RASGRP1: variants seen among roughly 807,000 people sequenced by gnomAD.
RASGRP1 encodes the protein RAS guanyl releasing protein 1, also known as RAS guanyl-releasing protein 1.
In RASGRP1, 37 loss-of-function variants were observed where a neutral mutation model predicts 95.1. That is an observed-to-expected ratio of 0.39 (90% CI 0.30 to 0.51). The LOEUF (loss-of-function observed/expected upper bound fraction) is 0.51. Among genes scored for constraint, RASGRP1 ranks in the 20% least tolerant of loss-of-function variants. The pLI, the probability that RASGRP1 is intolerant of heterozygous loss-of-function variation, is 0.80. For synonymous variants in RASGRP1, 325 were observed against 353.4 expected (o/e 0.92, Z 0.90); for missense variants, 711 against 965.4 (o/e 0.74, Z 3.49).
chr15:38,517,643 A>AAT (rs1232020764), intron 5 of RASGRP1, among the ~76,000 whole-genome samples: 1 of 152,054 alleles, frequency 6.6e-6, no homozygotes, highest in Non-Finnish European at 1.5e-5. Flanking sequence ...TGATCTCTAG[A>AAT]ATATATATCA....
intron 1 of RASGRP1, among the ~76,000 whole-genome samples, chr15:38,562,123 G>A (rs936331788): frequency 6.6e-5 from 10 of 152,152 alleles, no homozygotes; most frequent in African/African-American, 2.4e-4. Context: ...TATTGACTGT[G>A]CCTGGAACTC....
At chr15:38,542,871 GTGTATATATATACACATATAT>G in intron 2 of RASGRP1, among the ~76,000 whole-genome samples, 1 of 131,672 alleles carries the variant, frequency 7.6e-6, no homozygotes, top group East Asian at 2.2e-4. Flanking sequence ...ACACATATAT[GTGTATATATATACACATATAT>G]GTGTATATAT....
Position 38,490,275 on chromosome 15 carries a change from A to G in RASGRP1, c.*279T>C, listed in dbSNP as rs1303549989. 7.6e-6 allele frequency: 2 copies of G among 262,724 alleles called. No individual in the cohort carries two copies. The highest frequency in any genetic ancestry group is 5.4e-5 in the Admixed American group (1 of 18,616). The allele number at this position is 262,724 out of a possible 1,614,324, so 16.3% of individuals were successfully genotyped here. On this transcript the variant is annotated 3_prime_UTR_variant, in exon 17 of 17. Transcript: ENST00000310803. Reference sequence around the variant, plus strand: ...CACCGAGATGCCCCATTGTCAGGAAATGATAGTCATGTTTTAGATCGCATA... The same window carrying G: ...CACCGAGATGCCCCATTGTCAGGAAGTGATAGTCATGTTTTAGATCGCATA...
intron 4 of RASGRP1, 63 bp from the exon 5 acceptor site, chr15:38,518,486 G>A (rs776995315): frequency 4.6e-6 from 7 of 1,524,270 alleles, no homozygotes; most frequent in Non-Finnish European, 4.5e-6. Context: ...AATTTGTTGG[G>A]TTCCAAAAGG....
At chr15:38,525,456 C>T (rs928243718) in intron 3 of RASGRP1, among the ~76,000 whole-genome samples, 8 of 152,176 alleles carry the variant, frequency 5.3e-5, no homozygotes, top group Non-Finnish European at 8.8e-5. Flanking sequence ...TATTTATGTG[C>T]ACTTCTCGCA....
chr15:38,492,624 C>T (rs1326574771), intron 16 of RASGRP1, among the ~76,000 whole-genome samples: 3 of 152,148 alleles, frequency 2.0e-5, no homozygotes, highest in South Asian at 2.1e-4. Context: ...TTGATATTAA[C>T]GTATCCTTGC....
intron 1 of RASGRP1, among the ~76,000 whole-genome samples, chr15:38,561,054 AG>A (rs1378037238): frequency 3.7e-4 from 56 of 152,228 alleles, no homozygotes; most frequent in African/African-American, 1.3e-3. Flanking sequence ...TTGAGCATTT[AG>A]TTAATTCTCC....
In RASGRP1 at chr15:38,526,402, C is replaced by A; in HGVS notation, c.223G>T (p.Ala75Ser). 6.2e-7 allele frequency: 1 copy of A among 1,612,342 alleles called. No homozygotes were observed. The highest frequency in any genetic ancestry group is 8.5e-7 in the Non-Finnish European group (1 of 1,178,800). The change falls in exon 3 of 17, where the codon GCA becomes TCA. Residue 75 changes from alanine (A) to serine (S), a missense_variant and splice_region_variant. Coordinates refer to ENST00000310803, the MANE Select transcript of RASGRP1 (RefSeq NM_005739.4). ...TTACTTCGACACAGGTTTCCATCTG[C>A]ATCTGAAAATATAAAGAGCAGCACC... is the stretch of plus-strand genomic sequence containing the variant. ...LIDSCIQSFD[A>S]DGNLCRSNQL...
At chr15:38,496,498 A>G (rs1456880229) in intron 15 of RASGRP1, among the ~76,000 whole-genome samples, 1 of 152,172 alleles carries the variant, frequency 6.6e-6, no homozygotes, top group Non-Finnish European at 1.5e-5. Flanking sequence ...TCTGCATTTT[A>G]TGTGACAGAA....
Position 38,519,331 on chromosome 15 carries a change from G to C in RASGRP1, c.367C>G (p.Leu123Val), listed in dbSNP as rs1230291577. Residue 123 changes from leucine (L) to valine (V), a missense_variant, in exon 4 of 17, where the codon CTG (leucine) becomes GTG (valine). Coordinates refer to ENST00000310803, the MANE Select transcript of RASGRP1 (RefSeq NM_005739.4). The part of the protein sequence containing the change: ...ALAKNSPGLC[L>V]KICYFVRYWI... Reference sequence around the variant, plus strand: ...TACCTTACAAAATAACAGATCTTCAGGCAAAGTCCTGGTGAATTCTTTGCC... The same window carrying C: ...TACCTTACAAAATAACAGATCTTCACGCAAAGTCCTGGTGAATTCTTTGCC... 2.0e-5 allele frequency: 31 copies of C among 1,529,956 alleles called. No homozygotes were observed. Among genetic ancestry groups the C allele is most frequent in the Non-Finnish European group, 2.8e-5 (31 of 1,104,216 alleles). The allele number at this position is 1,529,956 out of a possible 1,614,324, so 94.8% of individuals were successfully genotyped here.
rs368747894 is a variant in RASGRP1, at chr15:38,516,305, T to C, written c.567A>G (p.Ser189=). The change falls in exon 6 of 17, where the codon TCA becomes TCG. Residue 189 remains serine (S), a synonymous_variant. Coordinates refer to ENST00000310803, the MANE Select transcript of RASGRP1 (RefSeq NM_005739.4). ...WSRKLTQRIK[S]NTSKKRKVSL... ...AGACTTTCCGTTTCTTGCTGGTATT[T>C]GATTTTATCCTTTGAGTAAGTTTCC... 10 of 1,609,438 alleles carry C rather than the reference T, an allele frequency of 6.2e-6. No homozygotes were observed. The highest frequency in any genetic ancestry group is 8.5e-6 in the Non-Finnish European group (10 of 1,175,792).
At chr15:38,492,098 T>C (rs1354035646) in intron 16 of RASGRP1, among the ~76,000 whole-genome samples, 2 of 152,204 alleles carry the variant, frequency 1.3e-5, no homozygotes, top group Non-Finnish European at 2.9e-5. Context: ...ACCGAGTTCA[T>C]TTTTCGAGGT....
rs555517492 is a variant in RASGRP1, at chr15:38,544,167, G to A, written c.220+15654C>T. Among the ~76,000 whole-genome samples the A allele has an allele frequency of 3.3e-5, 5 of 152,272 alleles. No individual in the cohort carries two copies. The South Asian group carries it at 6.2e-4, about 19-fold the overall frequency. Reference sequence around the variant, plus strand: ...TTGTAGTCTTTTTCTCATCCCACCTGAATGCCCAAAGTGTTATGTCTCTCC... The same window carrying A: ...TTGTAGTCTTTTTCTCATCCCACCTAAATGCCCAAAGTGTTATGTCTCTCC... On this transcript the variant is annotated intron_variant, in intron 2 of 16. Coordinates refer to ENST00000310803, the MANE Select transcript of RASGRP1 (RefSeq NM_005739.4).
At chr15:38,538,196 G>A (rs757615126) in intron 2 of RASGRP1, among the ~76,000 whole-genome samples, 3 of 152,140 alleles carry the variant, frequency 2.0e-5, no homozygotes, top group East Asian at 1.9e-4. Flanking sequence ...CCTGGGAGGC[G>A]GAGGTTGCAG....
chr15:38,526,278 A>G, intron 3 of RASGRP1, 21 bp downstream of exon 3: 1 of 1,584,432 alleles, frequency 6.3e-7, no homozygotes, highest in Non-Finnish European at 8.7e-7. Context: ...TGGGATTGCC[A>G]GTCACTATGT....
intron 1 of RASGRP1, among the ~76,000 whole-genome samples, chr15:38,561,262 A>G (rs1893799708): frequency 6.6e-6 from 1 of 152,266 alleles, no homozygotes; most frequent in African/African-American, 2.4e-5. Context: ...GAGATAGTCT[A>G]GGTGAGGGTA....
rs568691010 is a variant in RASGRP1 at position 38,543,202 on chromosome 15, A to G, written c.220+16619T>C. 3.3e-5 allele frequency among the ~76,000 whole-genome samples: 5 copies of G among 152,026 alleles called. No individual in the cohort carries two copies. The South Asian group carries it at 6.2e-4, about 19-fold the overall frequency. ...TATTTACAGTTACATCATTTGATTC[A>G]TCTCATTTTTTGTGTATGGTGTGAG... On this transcript the variant is annotated intron_variant, in intron 2 of 16. Coordinates refer to ENST00000310803, the MANE Select transcript of RASGRP1 (RefSeq NM_005739.4).
intron 12 of RASGRP1, 166 bp from the exon 13 acceptor site, chr15:38,501,453 A>C (rs1483857858): frequency 6.0e-6 from 5 of 835,402 alleles, no homozygotes; most frequent in Admixed American, 4.0e-5. Context: ...TAACAAGGAT[A>C]CAAGATGACA....
intron 3 of RASGRP1, among the ~76,000 whole-genome samples, chr15:38,522,991 C>A (rs1892058312): frequency 6.6e-6 from 1 of 152,000 alleles, no homozygotes; most frequent in Non-Finnish European, 1.5e-5. Context: ...AGGAGAGAGA[C>A]CACGGAGACA....
Sources: gnomAD v4.1 joint callset for allele counts (sites outside exome capture counted in the v4.1 genomes callset) on GRCh38, gnomAD v4.1.1 for gene constraint, MANE v1.5 for transcripts, NCBI Gene and HGNC (gene_info 2026-07-23, HGNC 2026-07-21) for gene names.